The following CDH18 variants were observed in gnomAD, a reference collection of about 807,000 sequenced individuals.
The protein encoded by CDH18 is cadherin-18.
Under a neutral mutation model 67.9 loss-of-function variants are expected in CDH18, and 31 were observed. That is an observed-to-expected ratio of 0.46 (90% CI 0.34 to 0.62). CDH18 has a LOEUF of 0.62. CDH18 is among the 20% of genes least tolerant of loss of function. CDH18 has a pLI of 0.01. For missense variants in CDH18, 890 were observed against 975.5 expected (o/e 0.91, Z 1.17); for synonymous variants, 362 against 347.2 (o/e 1.04, Z -0.48).
chr5:19,584,815 A>AAAAAAG (rs1408472983), intron 7 of CDH18, among the ~76,000 whole-genome samples: 7 of 148,658 alleles, frequency 4.7e-5, no homozygotes, highest in South Asian at 2.1e-4. Flanking sequence ...AAAAAAAAGA[A>AAAAAAG]AAAAAGAAAA....
intron 5 of CDH18, among the ~76,000 whole-genome samples, chr5:19,629,318 T>A (rs935448006): frequency 4.6e-5 from 7 of 152,152 alleles, no homozygotes; most frequent in African/African-American, 1.7e-4. Flanking sequence ...GACTTTCATG[T>A]GCTTAAGAGA....
intron 5 of CDH18, among the ~76,000 whole-genome samples, chr5:19,678,715 T>A (rs1271089646): frequency 3.3e-5 from 5 of 151,698 alleles, no homozygotes; most frequent in Non-Finnish European, 7.4e-5. Context: ...AAATGATAAA[T>A]TCCTGGAAAC....
chr5:19,904,549 C>T (rs2150122148), intron 2 of CDH18, among the ~76,000 whole-genome samples: 1 of 152,238 alleles, frequency 6.6e-6, no homozygotes, highest in Non-Finnish European at 1.5e-5. Flanking sequence ...GAAACTCACA[C>T]ATCTCTTTAT....
chr5:20,344,311 T>C (rs1740525193), intron 1 of CDH18, among the ~76,000 whole-genome samples: 1 of 152,016 alleles, frequency 6.6e-6, no homozygotes, highest in African/African-American at 2.4e-5. Flanking sequence ...AGACAGCTTC[T>C]CTCCCCTGGA....
At chr5:20,375,232 T>C (rs1203870308) in intron 1 of CDH18, among the ~76,000 whole-genome samples, 1 of 152,222 alleles carries the variant, frequency 6.6e-6, no homozygotes, top group Non-Finnish European at 1.5e-5. Context: ...AAAACTCATT[T>C]AACCATTCTC....
chr5:19,723,824 C>T (rs1480442025), intron 4 of CDH18, among the ~76,000 whole-genome samples: 2 of 152,104 alleles, frequency 1.3e-5, no homozygotes, highest in Non-Finnish European at 2.9e-5. Context: ...GGCAATTCTC[C>T]TGTCTCAGCC....
intron 3 of CDH18, among the ~76,000 whole-genome samples, chr5:19,792,728 G>C (rs1332952325): frequency 6.6e-6 from 1 of 152,062 alleles, no homozygotes; most frequent in African/African-American, 2.4e-5. Flanking sequence ...AACTTTATTT[G>C]TTAAACAACT....
intron 2 of CDH18, among the ~76,000 whole-genome samples, chr5:20,003,462 C>T (rs1382314908): frequency 6.6e-6 from 1 of 151,994 alleles, no homozygotes. Context: ...ATGTCTCTTC[C>T]TAGTAATTGT....
intron 1 of CDH18, among the ~76,000 whole-genome samples, chr5:20,467,308 T>C (rs1328631434): frequency 6.7e-6 from 1 of 149,266 alleles, no homozygotes; most frequent in Non-Finnish European, 1.5e-5. Context: ...GTCAATTATA[T>C]ATATAAAAAA....
intron 1 of CDH18, among the ~76,000 whole-genome samples, chr5:20,495,151 G>C (rs1038062037): frequency 6.6e-6 from 1 of 151,622 alleles, no homozygotes; most frequent in South Asian, 2.1e-4. Flanking sequence ...TTTCTCTACC[G>C]TATGAATATT....
At position 20,228,524 on chromosome 5, in the gene CDH18, GTTATT is replaced by G. The variant is rs1266928402; in HGVS notation, c.-518+26915_-518+26919del. Among the ~76,000 whole-genome samples, 4 of 116,442 alleles carry G rather than the reference GTTATT, an allele frequency of 3.4e-5. No homozygotes were observed. The East Asian group carries it at 1.0e-3, about 30-fold the overall frequency. 76.4% of individuals were successfully genotyped at this position (116,442 alleles called of 152,430 possible). A position where few individuals can be genotyped will look rare whatever the true frequency, so the allele number is the denominator to read the frequency against. On this transcript the variant is annotated intron_variant, in intron 2 of 14. Coordinates refer to the CDH18 transcript ENST00000507958. ...GCATTTTTAAAGAATGCAATATATT[GTTATT>G]AAGTGTAGTAATCATGTTGTACAAT...
intron 5 of CDH18, among the ~76,000 whole-genome samples, chr5:19,669,990 G>T (rs1758518265): frequency 6.6e-6 from 1 of 152,064 alleles, no homozygotes; most frequent in African/African-American, 2.4e-5. Flanking sequence ...GATACTACCA[G>T]TTCAGGGTCC....
intron 2 of CDH18, among the ~76,000 whole-genome samples, chr5:19,914,364 T>C (rs1008672855): frequency 6.6e-6 from 1 of 152,066 alleles, no homozygotes; most frequent in Admixed American, 6.6e-5. Context: ...CCCTCTATAC[T>C]CCCAGTAAAA....
rs148883301 is a variant in CDH18 at position 19,624,036 on chromosome 5, T to C, written c.644-11435A>G. Among the ~76,000 whole-genome samples the C allele has an allele frequency of 2.6e-3, 390 of 147,224 alleles. 1 individual carries two copies. The highest frequency in any genetic ancestry group is 9.2e-3 in the African/African-American group (373 of 40,472). On this transcript the variant is annotated intron_variant, in intron 5 of 12. Transcript: ENST00000382275. ...TTATTATTATTATTGAGATGGAGTT[T>C]CACTCTTGTTCCCCCAGCTAGAGTG...
intron 1 of CDH18, among the ~76,000 whole-genome samples, chr5:20,467,994 G>GTACTTATT (rs202024863): frequency 2.7e-4 from 30 of 110,340 alleles, no homozygotes; most frequent in Non-Finnish European, 4.6e-4. Flanking sequence ...TTTTATTTAT[G>GTACTTATT]TATTTATTTA....
At chr5:20,316,300 A>G (rs551869284) in intron 1 of CDH18, among the ~76,000 whole-genome samples, 1 of 152,046 alleles carries the variant, frequency 6.6e-6, no homozygotes, top group Non-Finnish European at 1.5e-5. Context: ...GACTCTAAAA[A>G]CCAGAAAAAT....
intron 3 of CDH18, among the ~76,000 whole-genome samples, chr5:19,818,066 AACAG>A (rs1224450598): frequency 6.6e-6 from 1 of 152,160 alleles, no homozygotes; most frequent in Non-Finnish European, 1.5e-5. Context: ...GCAATACAAA[AACAG>A]ACAGTGGGCT....
rs147952050 is a variant in CDH18 at position 19,836,180 on chromosome 5, T to G, written c.228+2579A>C. Among the ~76,000 whole-genome samples the G allele has an allele frequency of 5.9e-4, 90 of 152,298 alleles. 3 individuals are homozygous for G. The East Asian group carries it at 0.016, about 27-fold the overall frequency. On this transcript the variant is annotated intron_variant, in intron 3 of 12. Coordinates refer to ENST00000382275, the MANE Select transcript of CDH18 (RefSeq NM_004934.5). ...TAATAAAATAGTTTTCCTCTTGGTTTATTCCAAAAAGGGCAATTTTAATGA... is the reference window on the plus strand; with the variant it reads ...TAATAAAATAGTTTTCCTCTTGGTTGATTCCAAAAAGGGCAATTTTAATGA...
intron 2 of CDH18, among the ~76,000 whole-genome samples, chr5:20,054,096 A>T (rs1204993886): frequency 6.6e-6 from 1 of 152,180 alleles, no homozygotes; most frequent in Non-Finnish European, 1.5e-5. Flanking sequence ...AGAGAATTGT[A>T]ATTAGAATAT....
Sources: allele counts gnomAD v4.1 joint callset (sites outside exome capture counted in the v4.1 genomes callset), GRCh38; gene constraint gnomAD v4.1.1; transcripts MANE v1.5; gene names NCBI Gene and HGNC (gene_info 2026-07-23, HGNC 2026-07-21).